COL22A1: variants seen among roughly 807,000 people sequenced by gnomAD.
COL22A1 encodes collagen alpha-1(XXII) chain.
A neutral mutation model predicts 248.9 loss-of-function variants in COL22A1; 221 were observed. That is an observed-to-expected ratio of 0.89 (90% CI 0.80 to 0.99). The LOEUF (loss-of-function observed/expected upper bound fraction) is 0.99, where lower values mean the gene tolerates loss of function less well. COL22A1 is among the 50% of genes least tolerant of loss of function. COL22A1 has a pLI of 0.00. For synonymous variants in COL22A1, 891 were observed against 793.4 expected (o/e 1.12, Z -2.07); for missense variants, 2,240 against 2,179.0 (o/e 1.03, Z -0.56).
intron 18 of COL22A1, 70 bp downstream of exon 18, chr8:138,760,173 G>T: frequency 2.2e-6 from 3 of 1,341,134 alleles, no homozygotes; most frequent in Non-Finnish European, 3.0e-6. Context: ...AGCCTGGTTT[G>T]CCAAGGCGGG....
intron 22 of COL22A1, among the ~76,000 whole-genome samples, chr8:138,743,589 T>C (rs1377305869): frequency 6.6e-6 from 1 of 152,152 alleles, no homozygotes; most frequent in Non-Finnish European, 1.5e-5. Context: ...ATGTAATCTC[T>C]GCAGTTTTGT....
chr8:138,789,190 T>C (rs1023002659), intron 12 of COL22A1, among the ~76,000 whole-genome samples: 3 of 152,246 alleles, frequency 2.0e-5, no homozygotes, highest in Non-Finnish European at 2.9e-5. Context: ...CCTGCAGTGC[T>C]GTGAACTTCA....
At chr8:138,751,579 C>T (rs2131342659) in intron 21 of COL22A1, 68 bp from the exon 22 acceptor site, 5 of 1,141,278 alleles carry the variant, frequency 4.4e-6, no homozygotes, top group South Asian at 1.4e-5. Flanking sequence ...AATGGCATAG[C>T]TTAGGCTTTA....
intron 1 of COL22A1, among the ~76,000 whole-genome samples, chr8:138,902,055 G>T (rs564635379): frequency 1.3e-5 from 2 of 152,122 alleles, no homozygotes; most frequent in African/African-American, 2.4e-5. Context: ...GCTGTAAGAC[G>T]CTGTGAAGGA....
intron 22 of COL22A1, among the ~76,000 whole-genome samples, chr8:138,742,722 T>A (rs62645389): frequency 8.3e-6 from 1 of 121,210 alleles, no homozygotes; most frequent in East Asian, 2.7e-4. Context: ...GTAGAGTTGA[T>A]GATGATGGTA....
intron 22 of COL22A1, among the ~76,000 whole-genome samples, chr8:138,744,934 C>T (rs1831985601): frequency 6.6e-6 from 1 of 152,120 alleles, no homozygotes; most frequent in Non-Finnish European, 1.5e-5. Flanking sequence ...CTCTCCAGTC[C>T]TCATCTATTG....
chr8:138,603,151 T>G (rs532064732), intron 59 of COL22A1, among the ~76,000 whole-genome samples: 1 of 152,340 alleles, frequency 6.6e-6, no homozygotes, highest in East Asian at 1.9e-4. Context: ...ATCCCTTTCA[T>G]GCAGGTGCCA....
chr8:138,763,442 T>C (rs753777322), intron 16 of COL22A1, among the ~76,000 whole-genome samples: 2 of 152,076 alleles, frequency 1.3e-5, no homozygotes, highest in Non-Finnish European at 2.9e-5. Context: ...AAAACCTTCC[T>C]GCTGAGGATA....
chr8:138,877,918 C>T lies in COL22A1; in HGVS notation c.490G>A (p.Ala164Thr), dbSNP rs200969409. Residue 164 changes from alanine to threonine, a missense_variant, in exon 3 of 65, where the codon GCA becomes ACA. Ala to Thr is a moderately conservative substitution (Grantham distance 58). Transcript: ENST00000303045. ...SQDLVLDAAA[A>T]AHRAGIRIFA... ...ATGCGGATGCCAGCGCGGTGGGCTG[C>T]CGCCGCGGCGTCCAGCACCAGGTCC... 6.2e-6 allele frequency: 10 copies of T among 1,607,354 alleles called. No homozygotes were observed. The East Asian group carries it at 2.0e-4, about 32-fold the overall frequency.
intron 1 of COL22A1, among the ~76,000 whole-genome samples, chr8:138,901,330 C>T (rs1446117746): frequency 6.6e-6 from 1 of 150,536 alleles, no homozygotes; most frequent in East Asian, 2.0e-4. Flanking sequence ...ACATGGCCTC[C>T]AGCCTCAGAT....
intron 41 of COL22A1, among the ~76,000 whole-genome samples, chr8:138,664,205 G>GCACACACACA (rs1410256929): frequency 1.0e-5 from 1 of 96,962 alleles, no homozygotes; most frequent in Non-Finnish European, 2.2e-5. Flanking sequence ...GCGCGCGCGC[G>GCACACACACA]CGCGCACACA....
chr8:138,898,632 G>T (rs1814303709), intron 1 of COL22A1, among the ~76,000 whole-genome samples: 1 of 152,216 alleles, frequency 6.6e-6, no homozygotes, highest in Middle Eastern at 3.4e-3. Flanking sequence ...CTAACTTAGC[G>T]AAATAGGTCC....
At chr8:138,790,983 C>A (rs1207596063) in intron 12 of COL22A1, among the ~76,000 whole-genome samples, 2 of 152,194 alleles carry the variant, frequency 1.3e-5, no homozygotes, top group Non-Finnish European at 2.9e-5. Context: ...TGATTTCAAG[C>A]AAGCCAGAGC....
intron 4 of COL22A1, among the ~76,000 whole-genome samples, chr8:138,840,916 T>C (rs1247070212): frequency 6.6e-6 from 1 of 152,206 alleles, no homozygotes; most frequent in Admixed American, 6.5e-5. Context: ...CCAGCCAGAA[T>C]TATTCTTAAG....
intron 30 of COL22A1, among the ~76,000 whole-genome samples, chr8:138,705,570 C>A (rs1228628672): frequency 1.3e-5 from 2 of 152,154 alleles, no homozygotes; most frequent in African/African-American, 2.4e-5. Context: ...CCTTTACAGA[C>A]AAGCAAATGC....
At chr8:138,599,555 G>A (rs1817832937) in intron 60 of COL22A1, among the ~76,000 whole-genome samples, 1 of 152,022 alleles carries the variant, frequency 6.6e-6, no homozygotes, top group Admixed American at 6.6e-5. Flanking sequence ...TCCATCATTA[G>A]CAAAATTTTT....
chr8:138,695,017 G>A lies in COL22A1; in HGVS notation c.2593-138C>T, dbSNP rs1459477299. On this transcript the variant is annotated intron_variant, in intron 32 of 64. Coordinates refer to ENST00000303045, the MANE Select transcript of COL22A1 (RefSeq NM_152888.3). ...TGATAGGTCCCCACCCCCAAAGGCT[G>A]TTCCCTCTGCCTGGGGGTTCTTCCC... 9.8e-6 allele frequency: 7 copies of A among 715,592 alleles called. No individual in the cohort carries two copies. The East Asian group carries it at 1.6e-4, about 17-fold the overall frequency. 44.3% of individuals were successfully genotyped at this position (715,592 alleles called of 1,614,324 possible).
intron 56 of COL22A1, 66 bp downstream of exon 56, chr8:138,613,801 T>C (rs1819095931): frequency 1.5e-6 from 2 of 1,369,638 alleles, no homozygotes; most frequent in East Asian, 2.3e-5. Context: ...GGGAACTAAC[T>C]AAATATCATT....
chr8:138,904,625 C>T (rs1018526750), intron 1 of COL22A1, among the ~76,000 whole-genome samples: 15 of 152,048 alleles, frequency 9.9e-5, no homozygotes, highest in Admixed American at 3.9e-4. Context: ...TCTCTCCCCC[C>T]ACCAGTCCCC....
Sources: gnomAD v4.1 joint callset for allele counts (sites outside exome capture counted in the v4.1 genomes callset) on GRCh38, gnomAD v4.1.1 for gene constraint, MANE v1.5 for transcripts, NCBI Gene and HGNC (gene_info 2026-07-23, HGNC 2026-07-21) for gene names.